TTC7A: variants seen among roughly 807,000 people sequenced by gnomAD.
TTC7A encodes tetratricopeptide repeat domain 7A, also known as tetratricopeptide repeat protein 7A.
TTC7A carries 110 observed loss-of-function variants against 103.7 expected under a neutral mutation model. The ratio of observed to expected loss-of-function variants is 1.06; its 90% confidence interval spans 0.91 to 1.24. The LOEUF is 1.24. Ranked by LOEUF, TTC7A falls within the 50% of genes most tolerant of loss-of-function variation. The probability of loss-of-function intolerance (pLI) is 0.00; values close to 1 mark genes in which losing one functional copy is unlikely to be tolerated. For synonymous variants in TTC7A, 521 were observed against 467.9 expected (o/e 1.11, Z -1.47); for missense variants, 1,340 against 1,116.3 (o/e 1.20, Z -2.86).
chr2:46,919,157 C>G (rs899669141), intron 2 of TTC7A, among the ~76,000 whole-genome samples: 1 of 152,164 alleles, frequency 6.6e-6, no homozygotes, highest in Admixed American at 6.5e-5. Context: ...CAATTTACAC[C>G]TTTTAGTATT....
At chr2:47,047,342 T>C in intron 16 of TTC7A, 1 of 1,541,626 alleles carries the variant, frequency 6.5e-7, no homozygotes, top group East Asian at 2.5e-5. Context: ...AGGAGGGTAA[T>C]CAGACAGAGT....
Position 47,074,082 on chromosome 2 carries a change from C to A in TTC7A, c.*159C>A. The A allele has an allele frequency of 1.6e-6, 1 of 617,038 alleles. No homozygotes were observed. The highest frequency in any genetic ancestry group is 2.8e-6 in the Non-Finnish European group (1 of 352,502). The allele number at this position is 617,038 out of a possible 1,614,324, so 38.2% of individuals were successfully genotyped here. A position where few individuals can be genotyped will look rare whatever the true frequency, so the allele number is the denominator to read the frequency against. ...TGCAGCCCTCGTTCTCTTGGCTGGG[C>A]CAAGAGGGCCTTCCTGGATTTCTTT... is the stretch of plus-strand genomic sequence containing the variant. On this transcript the variant is annotated 3_prime_UTR_variant, in exon 20 of 20. Coordinates refer to ENST00000319190, the MANE Select transcript of TTC7A (RefSeq NM_020458.4).
At chr2:47,023,891 C>T (rs1404376816) in intron 13 of TTC7A, among the ~76,000 whole-genome samples, 1 of 151,718 alleles carries the variant, frequency 6.6e-6, no homozygotes, top group Admixed American at 6.6e-5. Flanking sequence ...CATCCCCAGC[C>T]CCTACAGGGA....
At chr2:46,964,613 C>T (rs760010917) in intron 3 of TTC7A, among the ~76,000 whole-genome samples, 1 of 152,114 alleles carries the variant, frequency 6.6e-6, no homozygotes, top group East Asian at 1.9e-4. Context: ...TAGGATGAAG[C>T]CTTTGTGGAT....
At chr2:47,034,259 A>C (rs1292927958) in intron 15 of TTC7A, 1 of 152,242 alleles carries the variant, frequency 6.6e-6, no homozygotes, top group African/African-American at 2.4e-5. Flanking sequence ...TCCCTGGCCA[A>C]GAGGCCAGGC....
At chr2:46,949,502 G>A (rs1372977494) in intron 1 of TTC7A, among the ~76,000 whole-genome samples, 1 of 152,020 alleles carries the variant, frequency 6.6e-6, no homozygotes, top group Non-Finnish European at 1.5e-5. Flanking sequence ...CAAAGTGCTG[G>A]GATTACAGGT....
chr2:46,944,032 C>G (rs952937716), intron 1 of TTC7A, among the ~76,000 whole-genome samples: 11 of 152,138 alleles, frequency 7.2e-5, no homozygotes, highest in Non-Finnish European at 1.6e-4. Context: ...TCTAAGGTTG[C>G]TCCTCACCAC....
chr2:47,008,808 A>G (rs1176744018), intron 10 of TTC7A, among the ~76,000 whole-genome samples: 1 of 152,008 alleles, frequency 6.6e-6, no homozygotes, highest in Non-Finnish European at 1.5e-5. Flanking sequence ...ACCTGCAGGA[A>G]TAATGGATGA....
chr2:47,055,647 G>A (rs1451550882), intron 18 of TTC7A, among the ~76,000 whole-genome samples: 1 of 152,136 alleles, frequency 6.6e-6, no homozygotes, highest in Non-Finnish European at 1.5e-5. Context: ...TGTAGGGAGA[G>A]TGCCCCTACC....
At chr2:47,024,247 A>G in intron 13 of TTC7A, 40 bp from the exon 14 acceptor site, 1 of 1,539,344 alleles carries the variant, frequency 6.5e-7, no homozygotes, top group Non-Finnish European at 8.8e-7. Flanking sequence ...TGGTCACTCA[A>G]CCCCTGGTGC....
intron 8 of TTC7A, chr2:46,999,892 A>T (rs1045240972): frequency 2.0e-6 from 2 of 985,302 alleles, no homozygotes; most frequent in African/African-American, 3.5e-5. Context: ...TGGGGTGGAT[A>T]GGTAAGTCTC....
chr2:46,927,658 C>CA (rs546308417), intron 2 of TTC7A, among the ~76,000 whole-genome samples: 57 of 150,220 alleles, frequency 3.8e-4, no homozygotes, highest in African/African-American at 1.0e-3. Flanking sequence ...CCGCGCCCGG[C>CA]AAAAAAAAGA....
Position 47,022,065 on chromosome 2 carries a change from C to G in TTC7A, c.1510+86C>G, listed in dbSNP as rs1679354853. ...AGAGGCATCTTGTCCTACCGGCACC[C>G]CTCCCCTCAGGCCATGCCTCCATAG... On this transcript the variant is annotated intron_variant, in intron 12 of 19. Transcript: ENST00000319190. 4 of 950,248 alleles carry G rather than the reference C, an allele frequency of 4.2e-6. No individual in the cohort carries two copies. In the East Asian group the frequency reaches 7.4e-5, roughly 18 times the overall value. The allele number at this position is 950,248 out of a possible 1,614,324, so 58.9% of individuals were successfully genotyped here.
chr2:47,006,786 C>T, intron 10 of TTC7A, 62 bp downstream of exon 10: 1 of 1,352,890 alleles, frequency 7.4e-7, no homozygotes, highest in South Asian at 1.2e-5. Context: ...CTGAGATGGA[C>T]AGAGGGGCTT....
chr2:47,062,268 C>T (rs1683853928), intron 19 of TTC7A, among the ~76,000 whole-genome samples: 1 of 152,178 alleles, frequency 6.6e-6, no homozygotes, highest in Non-Finnish European at 1.5e-5. Context: ...CCTGACAGTC[C>T]TTGAAAAGGA....
chr2:47,024,972 C>T (rs1227090083), intron 14 of TTC7A, among the ~76,000 whole-genome samples: 1 of 152,210 alleles, frequency 6.6e-6, no homozygotes, highest in Admixed American at 6.5e-5. Flanking sequence ...TCCTGTGGCG[C>T]CTCAGCCTGC....
intron 5 of TTC7A, among the ~76,000 whole-genome samples, chr2:46,990,145 A>C (rs1675479813): frequency 6.6e-6 from 1 of 152,218 alleles, no homozygotes; most frequent in African/African-American, 2.4e-5. Context: ...GGGTTGTCCT[A>C]GACTGATGTC....
intron 19 of TTC7A, among the ~76,000 whole-genome samples, chr2:47,071,761 C>T (rs1267957283): frequency 2.6e-5 from 4 of 152,222 alleles, no homozygotes; most frequent in South Asian, 4.1e-4. Flanking sequence ...CACCAGCCTG[C>T]AGACACATCT....
chr2:47,053,053 C>T (rs1163523053), intron 18 of TTC7A, among the ~76,000 whole-genome samples: 6 of 152,174 alleles, frequency 3.9e-5, no homozygotes, highest in African/African-American at 1.4e-4. Context: ...ACTCTCCCCA[C>T]TGTAGGTTCT....
Sources: gnomAD v4.1 joint callset for allele counts (sites outside exome capture counted in the v4.1 genomes callset) on GRCh38, gnomAD v4.1.1 for gene constraint, MANE v1.5 for transcripts, NCBI Gene and HGNC (gene_info 2026-07-23, HGNC 2026-07-21) for gene names.